CALN1: variants seen among roughly 807,000 people sequenced by gnomAD.
CALN1 encodes calcium-binding protein 8.
CALN1 carries 17 observed loss-of-function variants against 30.6 expected under a neutral mutation model. That is an observed-to-expected ratio of 0.56 (90% CI 0.38 to 0.83). The LOEUF is 0.83. Among genes scored for constraint, CALN1 ranks in the 40% least tolerant of loss-of-function variants. The pLI is 0.00. For synonymous variants in CALN1, 156 were observed against 131.4 expected, an observed-to-expected ratio of 1.19 and a Z score of -1.28; for missense variants, 291 against 354.9, an observed-to-expected ratio of 0.82 and a Z score of 1.45.
chr7:71,962,049 C>T (rs1299555667), intron 5 of CALN1, among the ~76,000 whole-genome samples: 2 of 151,884 alleles, frequency 1.3e-5, no homozygotes, highest in South Asian at 2.1e-4. Flanking sequence ...CTGCGTATTC[C>T]GTTTTCTCAT....
At chr7:72,097,247 G>A (rs567810623) in intron 4 of CALN1, among the ~76,000 whole-genome samples, 2 of 152,216 alleles carry the variant, frequency 1.3e-5, no homozygotes, top group East Asian at 1.9e-4. Context: ...AACATGGCAC[G>A]TGTACACATA....
Position 71,790,393 on chromosome 7 carries a change from AAAG to A in CALN1, c.659-2494_659-2492del, listed in dbSNP as rs1385255717. Among the ~76,000 whole-genome samples the A allele has an allele frequency of 1.8e-4, 20 of 108,786 alleles. No individual in the cohort carries two copies. In the East Asian group the frequency reaches 5.5e-3, roughly 30 times the overall value. The allele number at this position is 108,786 out of a possible 152,430, so 71.4% of individuals were successfully genotyped here. On this transcript the variant is annotated intron_variant, in intron 6 of 6. Coordinates refer to ENST00000395275, the MANE Select transcript of CALN1 (RefSeq NM_031468.4). ...AAAAGAAAGAAAGAAAGAAAGAAAG[AAAG>A]AAAGAAAGAAAGAAAGAAAGAAAGA...
At chr7:71,888,273 C>T (rs1335950319) in intron 5 of CALN1, among the ~76,000 whole-genome samples, 2 of 151,750 alleles carry the variant, frequency 1.3e-5, no homozygotes, top group Non-Finnish European at 2.9e-5. Flanking sequence ...CAACGGGCTG[C>T]TAATGGGCGT....
At position 72,270,113 on chromosome 7, in the gene CALN1, ATG is replaced by A. The variant is rs373689449; in HGVS notation, c.244+8571_244+8572del. The stretch of plus-strand genomic sequence containing the variant: ...TTTCCGTGTGTGTGTGTGTGTATGT[ATG>A]TGTGTGTGTGTGTTGAGAGAGAGAA... On this transcript the variant is annotated intron_variant, in intron 3 of 6. Transcript: ENST00000395275. 4.6e-5 allele frequency among the ~76,000 whole-genome samples: 7 copies of A among 150,794 alleles called. No homozygotes were observed. The East Asian group carries it at 5.8e-4, about 13-fold the overall frequency.
At chr7:72,140,063 G>C (rs1161440518) in intron 3 of CALN1, among the ~76,000 whole-genome samples, 1 of 151,930 alleles carries the variant, frequency 6.6e-6, no homozygotes, top group Non-Finnish European at 1.5e-5. Flanking sequence ...TTCAGGCCAG[G>C]AGTTTGAAAC....
rs191363515 is a variant in CALN1 at position 72,420,688 on chromosome 7, A to C, written c.-225-8413T>G. 6.6e-3 allele frequency among the ~76,000 whole-genome samples: 948 copies of C among 143,340 alleles called. 8 individuals carry two copies. The highest frequency in any genetic ancestry group is 0.024 in the African/African-American group (905 of 37,676). The allele number at this position is 143,340 out of a possible 152,430, so 94.0% of individuals were successfully genotyped here. ...GCCCAGGCTGGAGTGCAGTGGTGAG[A>C]TCTCAGCTCACTGCAAGCTCCGCCT... On this transcript the variant is annotated intron_variant, in intron 1 of 6. Transcript: ENST00000395276.
chr7:72,069,910 G>C (rs963259378), intron 4 of CALN1, among the ~76,000 whole-genome samples: 1 of 152,152 alleles, frequency 6.6e-6, no homozygotes, highest in Admixed American at 6.5e-5. Flanking sequence ...AGTCAGAAAA[G>C]GGAGGGAGAG....
At chr7:71,789,082 C>T (rs917939251) in intron 6 of CALN1, among the ~76,000 whole-genome samples, 6 of 152,126 alleles carry the variant, frequency 3.9e-5, no homozygotes, top group Non-Finnish European at 7.3e-5. Flanking sequence ...GGATTACAGG[C>T]ATGAGCCACC....
chr7:72,332,505 A>C (rs1427398981), intron 2 of CALN1, among the ~76,000 whole-genome samples: 2 of 151,844 alleles, frequency 1.3e-5, no homozygotes, highest in Non-Finnish European at 2.9e-5. Context: ...ACTTGGACCA[A>C]ATTGAGCCCC....
intron 5 of CALN1, among the ~76,000 whole-genome samples, chr7:71,954,533 T>TC (rs1211077722): frequency 6.6e-6 from 1 of 152,050 alleles, no homozygotes; most frequent in African/African-American, 2.4e-5. Flanking sequence ...GCATGTGTAG[T>TC]CCCACCTTCT....
At chr7:71,946,420 T>C (rs1329888525) in intron 5 of CALN1, among the ~76,000 whole-genome samples, 1 of 147,660 alleles carries the variant, frequency 6.8e-6, no homozygotes, top group Non-Finnish European at 1.5e-5. Context: ...CAGAGTGGAG[T>C]GCAGTGGTGC....
chr7:72,014,467 C>G (rs1800268403), intron 5 of CALN1, among the ~76,000 whole-genome samples: 1 of 152,112 alleles, frequency 6.6e-6, no homozygotes, highest in Non-Finnish European at 1.5e-5. Context: ...TAACTGTTAA[C>G]CAATCCCTAT....
intron 1 of CALN1, among the ~76,000 whole-genome samples, chr7:72,441,573 G>C (rs1435790891): frequency 7.7e-6 from 1 of 129,896 alleles, no homozygotes; most frequent in Non-Finnish European, 1.5e-5. Context: ...ACTCCAGCCT[G>C]AGCAACAGAG....
chr7:72,288,897 A>G (rs1160099640), intron 2 of CALN1, among the ~76,000 whole-genome samples: 5 of 152,144 alleles, frequency 3.3e-5, no homozygotes, highest in African/African-American at 9.7e-5. Context: ...AAACTTTTCC[A>G]CAAGTTTGCC....
At chr7:71,981,871 CTGTGT>C (rs1798414745) in intron 5 of CALN1, among the ~76,000 whole-genome samples, 1 of 152,050 alleles carries the variant, frequency 6.6e-6, no homozygotes. Flanking sequence ...AAGTCTTCCT[CTGTGT>C]TGACAGTTGT....
the CALN1 span, among the ~76,000 whole-genome samples, chr7:72,484,272 T>A: frequency 1.3e-5 from 2 of 151,836 alleles, no homozygotes; most frequent in African/African-American, 4.8e-5. Context: ...TATTCTTGAT[T>A]TTTTTTTCTG....
intron 5 of CALN1, among the ~76,000 whole-genome samples, chr7:72,022,224 C>T (rs559920863): frequency 7.0e-4 from 106 of 152,348 alleles, no homozygotes; most frequent in Non-Finnish European, 1.2e-3. Context: ...CCCTTCCATT[C>T]ATCTATTGAA....
At chr7:72,203,701 A>G (rs1791602401) in intron 3 of CALN1, among the ~76,000 whole-genome samples, 1 of 152,190 alleles carries the variant, frequency 6.6e-6, no homozygotes, top group Non-Finnish European at 1.5e-5. Context: ...CTGTACGAAA[A>G]TTAATACAAA....
At chr7:72,387,382 T>C (rs1217425474) in intron 2 of CALN1, among the ~76,000 whole-genome samples, 1 of 151,968 alleles carries the variant, frequency 6.6e-6, no homozygotes, top group Non-Finnish European at 1.5e-5. Flanking sequence ...GCATAACTCC[T>C]GTTTCTTAAG....
Sources: allele counts gnomAD v4.1 joint callset (sites outside exome capture counted in the v4.1 genomes callset), GRCh38; gene constraint gnomAD v4.1.1; transcripts MANE v1.5; gene names NCBI Gene and HGNC (gene_info 2026-07-23, HGNC 2026-07-21).